DAB1: variants seen among roughly 807,000 people sequenced by gnomAD.
The protein encoded by DAB1 is disabled homolog 1.
In DAB1, 15 loss-of-function variants were observed where a neutral mutation model predicts 64.6. That is an observed-to-expected ratio of 0.23 (90% CI 0.16 to 0.36). DAB1 has a LOEUF of 0.36. DAB1 is among the 10% of genes least tolerant of loss of function. The probability of loss-of-function intolerance (pLI) is 1.00; values close to 1 mark genes in which losing one functional copy is unlikely to be tolerated. For synonymous variants in DAB1, 235 were observed against 251.9 expected (o/e 0.93, Z 0.64); for missense variants, 596 against 706.7 (o/e 0.84, Z 1.78).
chr1:58,277,630 G>A (rs1661481407), intron 4 of DAB1, among the ~76,000 whole-genome samples: 1 of 152,152 alleles, frequency 6.6e-6, no homozygotes. Context: ...TGGGAACTCA[G>A]TCATGAATAC....
chr1:57,571,497 G>A (rs1268563639), intron 7 of DAB1, among the ~76,000 whole-genome samples: 1 of 152,176 alleles, frequency 6.6e-6, no homozygotes, highest in Non-Finnish European at 1.5e-5. Flanking sequence ...ACATGGACAT[G>A]GCATAGATTA....
chr1:58,085,261 C>G (rs997040713), intron 5 of DAB1, among the ~76,000 whole-genome samples: 2 of 152,158 alleles, frequency 1.3e-5, no homozygotes, highest in Non-Finnish European at 1.5e-5. Flanking sequence ...CTTTATAAAG[C>G]AAGGCAAATA....
At chr1:58,470,845 A>T (rs1351661711) in intron 3 of DAB1, among the ~76,000 whole-genome samples, 3 of 152,038 alleles carry the variant, frequency 2.0e-5, no homozygotes, top group Non-Finnish European at 4.4e-5. Context: ...CAGTGTCAAG[A>T]GCTCTTCTTA....
At chr1:58,488,431 G>A (rs1244532348) in intron 3 of DAB1, among the ~76,000 whole-genome samples, 1 of 152,120 alleles carries the variant, frequency 6.6e-6, no homozygotes, top group Non-Finnish European at 1.5e-5. Flanking sequence ...CATCACTCAA[G>A]CAGTGTACAC....
At chr1:58,157,557 C>G (rs1246958546) in intron 4 of DAB1, among the ~76,000 whole-genome samples, 5 of 152,204 alleles carry the variant, frequency 3.3e-5, no homozygotes, top group East Asian at 3.9e-4. Flanking sequence ...GAACAGGCAC[C>G]ACGATGCCTT....
In DAB1 at chr1:58,131,812, C is replaced by G. The variant is rs963287429; in HGVS notation, n.387+18699G>C. Among the ~76,000 whole-genome samples, 11 of 149,662 alleles carry G rather than the reference C, an allele frequency of 7.3e-5. 1 individual carries two copies. The highest frequency in any genetic ancestry group is 2.2e-4 in the South Asian group (1 of 4,572). ...GACCCACTTGAGGAGGCAGTCTGCC[C>G]GTTCTCAGATCTCCAGCTGCTTGCT... is the stretch of plus-strand genomic sequence containing the variant. On this transcript the variant is annotated intron_variant and non_coding_transcript_variant, in intron 5 of 20. Coordinates refer to the DAB1 transcript ENST00000485760.
rs550245741 is a variant in DAB1 at position 58,512,560 on chromosome 1, T to C, written n.108-6351A>G. On this transcript the variant is annotated intron_variant and non_coding_transcript_variant, in intron 2 of 20. Coordinates refer to the DAB1 transcript ENST00000485760. ...GGTATAAACATACATCAAAATATTA[T>C]TTGGCCTTAAAAAAGGAAATCCTGT... 2.6e-5 allele frequency among the ~76,000 whole-genome samples: 4 copies of C among 152,254 alleles called. No homozygotes were observed. In the East Asian group the frequency reaches 7.7e-4, roughly 29 times the overall value.
chr1:58,356,105 G>C (rs1644108284), intron 3 of DAB1, among the ~76,000 whole-genome samples: 1 of 152,196 alleles, frequency 6.6e-6, no homozygotes, highest in Non-Finnish European at 1.5e-5. Flanking sequence ...GTGGAGATGA[G>C]AGAGAACCAG....
At chr1:57,450,959 A>G (rs1686327004) in intron 7 of DAB1, among the ~76,000 whole-genome samples, 2 of 152,202 alleles carry the variant, frequency 1.3e-5, no homozygotes, top group African/African-American at 4.8e-5. Flanking sequence ...TAGACATTTC[A>G]CTTAAAACGT....
At chr1:58,291,513 T>G (rs1307595393) in intron 4 of DAB1, among the ~76,000 whole-genome samples, 1 of 152,238 alleles carries the variant, frequency 6.6e-6, no homozygotes, top group Non-Finnish European at 1.5e-5. Flanking sequence ...GTTGATTCAC[T>G]ATAAATTAAG....
At chr1:57,476,942 T>C (rs1053792123) in intron 7 of DAB1, among the ~76,000 whole-genome samples, 1 of 152,230 alleles carries the variant, frequency 6.6e-6, no homozygotes, top group Non-Finnish European at 1.5e-5. Context: ...TTAATGGGTC[T>C]GTCACCTTCC....
chr1:58,000,135 C>T (rs2100401420), intron 5 of DAB1, among the ~76,000 whole-genome samples: 1 of 152,174 alleles, frequency 6.6e-6, no homozygotes, highest in African/African-American at 2.4e-5. Context: ...GAGCAGGAAA[C>T]TGGAAATCAA....
chr1:57,351,383 C>A (rs1174792412), intron 1 of DAB1, among the ~76,000 whole-genome samples: 1 of 152,074 alleles, frequency 6.6e-6, no homozygotes, highest in Non-Finnish European at 1.5e-5. Flanking sequence ...TGTCTTCGAC[C>A]TTCACAGGGC....
At chr1:57,035,393 C>G (rs1421874091) in intron 9 of DAB1, among the ~76,000 whole-genome samples, 7 of 152,122 alleles carry the variant, frequency 4.6e-5, no homozygotes, top group Non-Finnish European at 5.9e-5. Flanking sequence ...TAAAACCCCC[C>G]ACCATGTCCC....
At chr1:57,603,881 C>T (rs1036491301) in intron 7 of DAB1, among the ~76,000 whole-genome samples, 6 of 152,224 alleles carry the variant, frequency 3.9e-5, no homozygotes, top group African/African-American at 1.4e-4. Flanking sequence ...GTACCAGCCA[C>T]ATTTGCATAT....
At chr1:57,842,939 C>G (rs1406466810) in intron 1 of DAB1, among the ~76,000 whole-genome samples, 1 of 152,172 alleles carries the variant, frequency 6.6e-6, no homozygotes, top group Non-Finnish European at 1.5e-5. Flanking sequence ...TGTTGAATAT[C>G]TTATGTGATA....
intron 7 of DAB1, 71 bp from the exon 8 acceptor site, chr1:57,069,496 A>G: frequency 7.7e-7 from 1 of 1,290,870 alleles, no homozygotes; most frequent in East Asian, 2.3e-5. Flanking sequence ...GCATTTGGAA[A>G]TTAAGATACA....
At chr1:57,781,122 CTCTCTATATATATA>C (rs1448017824) in intron 6 of DAB1, among the ~76,000 whole-genome samples, 34 of 43,842 alleles carry the variant, frequency 7.8e-4, no homozygotes, top group African/African-American at 1.0e-3. Flanking sequence ...CTCTCTCTCT[CTCTCTATATATATA>C]TATATATATA....
At chr1:57,090,135 T>A (rs1275500104) in intron 4 of DAB1, among the ~76,000 whole-genome samples, 1 of 152,154 alleles carries the variant, frequency 6.6e-6, no homozygotes, top group Non-Finnish European at 1.5e-5. Context: ...ATAGGAGTTG[T>A]CAAGTTTTGA....
Sources: gnomAD v4.1 joint callset for allele counts (sites outside exome capture counted in the v4.1 genomes callset) on GRCh38, gnomAD v4.1.1 for gene constraint, MANE v1.5 for transcripts, NCBI Gene and HGNC (gene_info 2026-07-23, HGNC 2026-07-21) for gene names.